TBC1D1: variants seen among roughly 807,000 people sequenced by gnomAD.
TBC1D1 encodes the protein TBC1 domain family member 1, also known as TBC1 (tre-2/USP6, BUB2, cdc16) domain family, member 1.
Under a neutral mutation model 125.6 loss-of-function variants are expected in TBC1D1, and 89 were observed. The observed-to-expected ratio is 0.71, with a 90% CI of 0.60 to 0.85. The LOEUF (loss-of-function observed/expected upper bound fraction) is 0.85, where lower values mean the gene tolerates loss of function less well. TBC1D1 is among the 40% of genes least tolerant of loss of function. The pLI is 0.00. For synonymous variants in TBC1D1, 565 were observed against 564.1 expected (o/e 1.00, Z -0.02); for missense variants, 1,377 against 1,469.2 (o/e 0.94, Z 1.03).
chr4:38,015,804 A>G (rs1307415842), intron 3 of TBC1D1, among the ~76,000 whole-genome samples: 1 of 152,200 alleles, frequency 6.6e-6, no homozygotes, highest in Non-Finnish European at 1.5e-5. Context: ...GCCAGGGGGT[A>G]AAAAACCAGC....
intron 15 of TBC1D1, among the ~76,000 whole-genome samples, chr4:38,106,023 C>T (rs1761239447): frequency 6.6e-6 from 1 of 152,190 alleles, no homozygotes; most frequent in South Asian, 2.1e-4. Context: ...ACTCCACCTC[C>T]CCCGCCTGTC....
At chr4:37,994,245 G>C (rs1029570832) in intron 2 of TBC1D1, among the ~76,000 whole-genome samples, 1 of 152,180 alleles carries the variant, frequency 6.6e-6, no homozygotes, top group African/African-American at 2.4e-5. Flanking sequence ...CTAGTTGAAA[G>C]AAAGGTTTTT....
At chr4:37,998,392 G>A (rs899855588) in intron 2 of TBC1D1, among the ~76,000 whole-genome samples, 4 of 152,124 alleles carry the variant, frequency 2.6e-5, no homozygotes, top group Non-Finnish European at 4.4e-5. Flanking sequence ...CTGGTGATCC[G>A]TTGGAAATGC....
At chr4:37,989,241 T>G (rs990448724) in intron 2 of TBC1D1, among the ~76,000 whole-genome samples, 1 of 152,160 alleles carries the variant, frequency 6.6e-6, no homozygotes, top group Non-Finnish European at 1.5e-5. Flanking sequence ...TTCACCCAGG[T>G]TATGACCTTG....
In TBC1D1 at chr4:38,014,673, C is replaced by A; in HGVS notation, c.582C>A (p.Asp194Glu). 6.2e-7 allele frequency: 1 copy of A among 1,613,194 alleles called. No individual in the cohort carries two copies. The highest frequency in any genetic ancestry group is 1.3e-5 in the African/African-American group (1 of 75,064). Residue 194 changes from aspartate (D) to glutamate (E), a missense_variant, in exon 3 of 20, where the codon GAC becomes GAA. Asp to Glu is a conservative substitution (Grantham distance 45). This residue lies in a region of TBC1D1 where 822 missense variants were observed against 824.6 expected (regional missense o/e 1.00). Coordinates refer to ENST00000261439, the MANE Select transcript of TBC1D1 (RefSeq NM_015173.4). This position sits in a 1 kb window ranked among gnomAD's most constrained non-coding sequence, Gnocchi z 5.1. ...AGAAGGCTCCGCCGGCCCTGATCGACGAGTGCATCGAGAAGTTCAATCACG... is the reference window on the plus strand; with the variant it reads ...AGAAGGCTCCGCCGGCCCTGATCGAAGAGTGCATCGAGAAGTTCAATCACG...
Position 38,021,699 on chromosome 4 carries a change from G to A in TBC1D1, c.1191G>A (p.Lys397=). 1.3e-6 allele frequency: 2 copies of A among 1,588,964 alleles called. No individual in the cohort carries two copies. Among genetic ancestry groups the A allele is most frequent in the Non-Finnish European group, 1.7e-6 (2 of 1,168,412 alleles). Reference sequence around the variant, plus strand: ...GCTGCCCCCTGCAAAGCCTGCACAAGCTCTGTGAGAGGATAGAGGGTGAGT... The same window carrying A: ...GCTGCCCCCTGCAAAGCCTGCACAAACTCTGTGAGAGGATAGAGGGTGAGT... Residue 397 remains lysine, a synonymous_variant, in exon 6 of 20, where the codon AAG becomes AAA. Coordinates refer to ENST00000261439, the MANE Select transcript of TBC1D1 (RefSeq NM_015173.4).
intron 12 of TBC1D1, among the ~76,000 whole-genome samples, chr4:38,075,841 G>C (rs1160581778): frequency 6.6e-6 from 1 of 152,184 alleles, no homozygotes; most frequent in Admixed American, 6.5e-5. Flanking sequence ...CGGTTTTCTT[G>C]ATGCCTTTGA....
At chr4:38,096,172 G>A (rs1423008410) in intron 14 of TBC1D1, 82 bp downstream of exon 16, 22 of 1,250,804 alleles carry the variant, frequency 1.8e-5, no homozygotes, top group Non-Finnish European at 2.2e-5. Context: ...AAAAAGTCAA[G>A]TCTAATTTTA....
chr4:38,120,802 C>T (rs776601457), intron 17 of TBC1D1, among the ~76,000 whole-genome samples: 2 of 152,130 alleles, frequency 1.3e-5, no homozygotes, highest in Admixed American at 6.5e-5. Context: ...GACGCTTGCT[C>T]TGTTCACTTT....
At chr4:37,991,762 G>C (rs1228271893) in intron 2 of TBC1D1, among the ~76,000 whole-genome samples, 1 of 152,100 alleles carries the variant, frequency 6.6e-6, no homozygotes, top group Non-Finnish European at 1.5e-5. Context: ...AGTCCTTACT[G>C]GGGAGGTCTA....
At chr4:37,996,249 C>T (rs555742887) in intron 2 of TBC1D1, 3 of 268,110 alleles carry the variant, frequency 1.1e-5, no homozygotes, top group South Asian at 4.2e-5. Flanking sequence ...GCCAGTCGCC[C>T]GGGCTTTCGC....
At chr4:38,120,883 A>C (rs1763737844) in intron 17 of TBC1D1, among the ~76,000 whole-genome samples, 1 of 152,156 alleles carries the variant, frequency 6.6e-6, no homozygotes, top group Non-Finnish European at 1.5e-5. Context: ...ATGGAGGAGG[A>C]GGCTGCAGTG....
intron 19 of TBC1D1, among the ~76,000 whole-genome samples, chr4:38,133,999 GTTCTACTTTT>G (rs1430262799): frequency 6.6e-6 from 1 of 152,220 alleles, no homozygotes; most frequent in African/African-American, 2.4e-5. Context: ...GCAACCATAT[GTTCTACTTTT>G]TTCTACTTTT....
intron 12 of TBC1D1, among the ~76,000 whole-genome samples, chr4:38,086,180 A>C (rs1446045412): frequency 6.6e-6 from 1 of 152,188 alleles, no homozygotes; most frequent in Non-Finnish European, 1.5e-5. Context: ...AGTAATTGTT[A>C]CCACGTGAAA....
intron 2 of TBC1D1, among the ~76,000 whole-genome samples, chr4:38,004,254 T>C (rs534474550): frequency 6.6e-6 from 1 of 152,356 alleles, no homozygotes; most frequent in African/African-American, 2.4e-5. Context: ...TTTTAGTTAC[T>C]GCTCCAGATC....
chr4:37,898,458 C>T (rs1357173390), intron 1 of TBC1D1, among the ~76,000 whole-genome samples: 2 of 152,190 alleles, frequency 1.3e-5, no homozygotes, highest in African/African-American at 4.8e-5. Context: ...TTCCAAACTA[C>T]CTTTTCCATC....
chr4:37,936,161 T>TA (rs1298778751), intron 2 of TBC1D1, among the ~76,000 whole-genome samples: 1 of 152,216 alleles, frequency 6.6e-6, no homozygotes, highest in Non-Finnish European at 1.5e-5. Flanking sequence ...CTGACGATAG[T>TA]ACTGAATCGC....
At chr4:38,127,429 G>T (rs374020536) in intron 18 of TBC1D1, among the ~76,000 whole-genome samples, 4 of 145,468 alleles carry the variant, frequency 2.7e-5, no homozygotes, top group Admixed American at 2.1e-4. Flanking sequence ...CTGCTACCCA[G>T]GCTGGAATGC....
chr4:37,896,489 C>G (rs1211974550), intron 1 of TBC1D1, among the ~76,000 whole-genome samples: 1 of 152,142 alleles, frequency 6.6e-6, no homozygotes, highest in African/African-American at 2.4e-5. Context: ...CATCCCCACA[C>G]AATGTTGGGG....
Sources: allele counts gnomAD v4.1 joint callset (sites outside exome capture counted in the v4.1 genomes callset), GRCh38; gene constraint gnomAD v4.1.1; regional missense constraint gnomAD v4.1.1; non-coding constraint Gnocchi (gnomAD v3.1); transcripts MANE v1.5; gene names NCBI Gene and HGNC (gene_info 2026-07-23, HGNC 2026-07-21).